The following ITPKB variants were observed in gnomAD, a reference collection of about 807,000 sequenced individuals.
ITPKB encodes inositol-trisphosphate 3-kinase B.
ITPKB carries 13 observed loss-of-function variants against 69.4 expected under a neutral mutation model. The ratio of observed to expected loss-of-function variants is 0.19; its 90% CI spans 0.12 to 0.30. ITPKB has a LOEUF of 0.30. Among genes scored for constraint, ITPKB ranks in the 10% least tolerant of loss-of-function variants. ITPKB has a pLI of 1.00. For synonymous variants in ITPKB, 584 were observed against 513.7 expected (o/e 1.14, Z -1.85); for missense variants, 1,240 against 1,250.5 (o/e 0.99, Z 0.13).
intron 2 of ITPKB, among the ~76,000 whole-genome samples, chr1:226,649,361 C>CTT (rs1669126560): frequency 1.8e-5 from 2 of 113,770 alleles, no homozygotes; most frequent in Non-Finnish European, 3.4e-5. Context: ...GATATATGTG[C>CTT]ATGTGTGCAT....
In ITPKB at chr1:226,641,867, C is replaced by T; in HGVS notation, c.2451+54G>A. On this transcript the variant is annotated intron_variant, in intron 5 of 7. Coordinates refer to ENST00000429204, the MANE Select transcript of ITPKB (RefSeq NM_002221.4). This position sits in a 1 kb window ranked among gnomAD's most constrained non-coding sequence, Gnocchi z 4.6. ...CAAAGGGCGCTGAGAGAAGCCAAGC[C>T]CCCTGAGGTGGGCACGGGTGGGGCC... 2 of 1,520,674 alleles carry T rather than the reference C, an allele frequency of 1.3e-6. No homozygotes were observed. Among genetic ancestry groups the T allele is most frequent in the African/African-American group, 1.4e-5 (1 of 73,186 alleles). 94.2% of individuals were successfully genotyped at this position (1,520,674 alleles called of 1,614,324 possible).
At chr1:226,706,221 G>T (rs905976577) in intron 2 of ITPKB, among the ~76,000 whole-genome samples, 2 of 152,178 alleles carry the variant, frequency 1.3e-5, no homozygotes, top group Non-Finnish European at 2.9e-5. Context: ...AAAGAACGTG[G>T]TACCACAAGT....
At chr1:226,696,354 T>G (rs1370945503) in intron 2 of ITPKB, among the ~76,000 whole-genome samples, 1 of 152,106 alleles carries the variant, frequency 6.6e-6, no homozygotes, top group Admixed American at 6.5e-5. Context: ...TGTATCTCTC[T>G]CTCAACACAG....
At chr1:226,648,104 G>C (rs140475688) in intron 3 of ITPKB, among the ~76,000 whole-genome samples, 9 of 152,088 alleles carry the variant, frequency 5.9e-5, no homozygotes, top group Middle Eastern at 3.2e-3. Context: ...CCTTCTCCCC[G>C]GCACTGCCTG....
rs200759321 is a variant in ITPKB, at chr1:226,737,294, A to G, written c.165T>C (p.Ser55=). Residue 55 remains serine (S), a synonymous_variant, in exon 2 of 8, where the codon TCT becomes TCC. Transcript: ENST00000429204. ...GSVFSPGRGA[S]FLFPPAESLS... ...GCGACTCGGCTGGGGGGAAGAGGAA[A>G]GAGGCGCCTCTCCCGGGGCTGAAAA... 1.4e-4 allele frequency: 225 copies of G among 1,565,542 alleles called. No individual in the cohort carries two copies. The African/African-American group carries it at 2.8e-3, about 20-fold the overall frequency.
chr1:226,736,791 G>T lies in ITPKB; in HGVS notation c.668C>A (p.Pro223His). ...SGTDSGRKGG[P>H]SLCSSQVKKG... ...CTTCACCTGCGAGGAGCATAGGCTG[G>T]GCCCTCCTTTCCTCCCGGAGTCGGT... The change falls in exon 2 of 8, where the codon CCC becomes CAC. Residue 223 changes from proline to histidine, a missense_variant. By Grantham distance (77) the Pro-to-His change is moderately conservative. Transcript: ENST00000429204. 6.2e-7 allele frequency: 1 copy of T among 1,613,080 alleles called. No individual in the cohort carries two copies. The highest frequency in any genetic ancestry group is 8.5e-7 in the Non-Finnish European group (1 of 1,180,022).
Position 226,737,109 on chromosome 1 carries a change from C to T in ITPKB, c.350G>A (p.Gly117Asp), listed in dbSNP as rs778915847. 6.3e-5 allele frequency: 101 copies of T among 1,605,548 alleles called. No individual in the cohort carries two copies. The East Asian group carries it at 2.0e-3, about 31-fold the overall frequency. Residue 117 changes from glycine to aspartate, a missense_variant, in exon 2 of 8, where the codon GGT becomes GAT. Around this residue, in one of 2 missense-constraint regions of ITPKB, gnomAD observed 992 missense variants for 853.8 expected, o/e 1.16. Transcript: ENST00000429204. Reference protein sequence around the residue: ...RGDRQQVVAAGTLSPPGPEEA... With the variant: ...RGDRQQVVAADTLSPPGPEEA... ...CTCCGGCCCTGGCGGGGAGAGGGTA[C>T]CGGCTGCCACCACCTGCTGCCGGTC...
rs746150666 is a variant in ITPKB at position 226,641,088 on chromosome 1, G to A, written c.2451+833C>T. 5.9e-5 allele frequency among the ~76,000 whole-genome samples: 9 copies of A among 152,188 alleles called. No homozygotes were observed. Among genetic ancestry groups the A allele is most frequent in the Non-Finnish European group, 1.3e-4 (9 of 68,034 alleles). ...GCTTCTGAGACCCTGAGGGGCCGGC[G>A]CCCCAAAGCCCGGCTCTTGCAAATT... On this transcript the variant is annotated intron_variant, in intron 5 of 7. Transcript: ENST00000429204. The surrounding 1 kb of genome is among the most constrained non-coding windows in gnomAD (Gnocchi z 4.6).
At chr1:226,729,990 TG>T (rs1657540207) in intron 2 of ITPKB, among the ~76,000 whole-genome samples, 1 of 152,184 alleles carries the variant, frequency 6.6e-6, no homozygotes, top group Non-Finnish European at 1.5e-5. Context: ...AGACTTGAAC[TG>T]TATTTAAGAT....
At chr1:226,706,468 G>A (rs919890456) in intron 2 of ITPKB, among the ~76,000 whole-genome samples, 1 of 152,174 alleles carries the variant, frequency 6.6e-6, no homozygotes, top group Non-Finnish European at 1.5e-5. Flanking sequence ...TGTGGGCTAG[G>A]ATCTAGACAG....
intron 2 of ITPKB, among the ~76,000 whole-genome samples, chr1:226,671,959 G>A (rs1179418665): frequency 6.6e-6 from 1 of 152,160 alleles, no homozygotes; most frequent in African/African-American, 2.4e-5. Flanking sequence ...CTGCTGGAGG[G>A]TTTTGAGTGA....
chr1:226,636,304 G>A (rs1393277959), intron 7 of ITPKB, among the ~76,000 whole-genome samples: 2 of 152,208 alleles, frequency 1.3e-5, no homozygotes, highest in Admixed American at 6.5e-5. Context: ...GGAGCTGAGG[G>A]TCTGGGGGAC....
chr1:226,703,799 T>C (rs1415733744), intron 2 of ITPKB, among the ~76,000 whole-genome samples: 2 of 152,218 alleles, frequency 1.3e-5, no homozygotes, highest in African/African-American at 4.8e-5. Flanking sequence ...GCTTCCGGCT[T>C]GGGAGAAAGG....
rs79617598 is a variant in ITPKB at position 226,656,181 on chromosome 1, G to A, written c.1933-7410C>T. ...GGTGCTTCCAAAGAGCCCTGGGCAC[G>A]CTTCCATCCCAGTTCTTCTCTTTAA... On this transcript the variant is annotated intron_variant, in intron 2 of 7. Transcript: ENST00000429204. Among the ~76,000 whole-genome samples, 273 of 152,266 alleles carry A rather than the reference G, an allele frequency of 1.8e-3. 2 individuals carry two copies. The highest frequency in any genetic ancestry group is 6.8e-3 in the Middle Eastern group (2 of 294).
At chr1:226,684,159 T>C (rs934849248) in intron 2 of ITPKB, among the ~76,000 whole-genome samples, 2 of 152,094 alleles carry the variant, frequency 1.3e-5, no homozygotes, top group African/African-American at 2.4e-5. Flanking sequence ...AGTACTGACG[T>C]TGGGGCCATT....
At position 226,738,075 on chromosome 1, in the gene ITPKB, T is replaced by A. The variant is rs562820629; in HGVS notation, c.-205-412A>T. ...CGGGTCTCCCCAGCCTGAGCAAACA[T>A]TGGCTATCCAGGGCAACCCGGCAGC... On this transcript the variant is annotated intron_variant, in intron 1 of 7. Transcript: ENST00000429204. This position sits in a 1 kb window ranked among gnomAD's most constrained non-coding sequence, Gnocchi z 4.2. Among the ~76,000 whole-genome samples the A allele has an allele frequency of 1.3e-5, 2 of 152,130 alleles. No individual in the cohort carries two copies. Among genetic ancestry groups the A allele is most frequent in the South Asian group, 4.1e-4 (2 of 4,824 alleles).
intron 2 of ITPKB, among the ~76,000 whole-genome samples, chr1:226,651,085 G>GCTTA (rs1255751884): frequency 6.6e-6 from 1 of 152,232 alleles, no homozygotes; most frequent in African/African-American, 2.4e-5. Context: ...GAAGGAGGGA[G>GCTTA]CTTACGGAGG....
At chr1:226,735,261 T>C (rs543272824) in intron 2 of ITPKB, among the ~76,000 whole-genome samples, 126 of 152,204 alleles carry the variant, frequency 8.3e-4, no homozygotes, top group Non-Finnish European at 1.3e-3. Flanking sequence ...GTGACCTACA[T>C]GAAATACTTT....
At chr1:226,643,820 T>C (rs1374437405) in intron 4 of ITPKB, among the ~76,000 whole-genome samples, 1 of 152,036 alleles carries the variant, frequency 6.6e-6, no homozygotes, top group Non-Finnish European at 1.5e-5. Flanking sequence ...CACACACATG[T>C]GCTCATGCAC....
Sources: gnomAD v4.1 joint callset for allele counts (sites outside exome capture counted in the v4.1 genomes callset) on GRCh38, gnomAD v4.1.1 for gene constraint, gnomAD v4.1.1 regional missense constraint, Gnocchi (gnomAD v3.1) non-coding constraint, MANE v1.5 for transcripts, NCBI Gene and HGNC (gene_info 2026-07-23, HGNC 2026-07-21) for gene names.